Variants in CNTLN observed in about 807,000 individuals in gnomAD.
CNTLN encodes the protein centlein, also known as centlein, centrosomal protein.
CNTLN carries 212 observed loss-of-function variants against 180.0 expected under a neutral mutation model. The ratio of observed to expected loss-of-function variants is 1.18; its 90% CI spans 1.05 to 1.32. CNTLN has a LOEUF of 1.32. Among genes scored for constraint, CNTLN ranks in the 40% most tolerant of loss-of-function variants. The probability of loss-of-function intolerance (pLI) is 0.00; values close to 1 mark genes in which losing one functional copy is unlikely to be tolerated. For missense variants in CNTLN, 2,095 were observed against 1,610.9 expected, an observed-to-expected ratio of 1.30 and a Z score of -5.14; for synonymous variants, 722 against 563.1, an observed-to-expected ratio of 1.28 and a Z score of -3.99.
intron 2 of CNTLN, among the ~76,000 whole-genome samples, chr9:17,187,455 G>A (rs760130435): frequency 6.6e-6 from 1 of 151,912 alleles, no homozygotes; most frequent in Non-Finnish European, 1.5e-5. Flanking sequence ...TAGTAATGGG[G>A]TCATTATAGA....
At chr9:17,160,305 C>T (rs971670161) in intron 2 of CNTLN, among the ~76,000 whole-genome samples, 5 of 152,062 alleles carry the variant, frequency 3.3e-5, no homozygotes, top group East Asian at 3.9e-4. Flanking sequence ...TATCCATTGT[C>T]GTGCCATGTC....
chr9:17,296,639 T>C (rs1817959902), intron 6 of CNTLN, among the ~76,000 whole-genome samples: 1 of 152,190 alleles, frequency 6.6e-6, no homozygotes, highest in African/African-American at 2.4e-5. Context: ...GTAATCATCA[T>C]GCATGATTAC....
intron 14 of CNTLN, among the ~76,000 whole-genome samples, chr9:17,388,593 C>T (rs1825864952): frequency 6.6e-6 from 1 of 151,844 alleles, no homozygotes; most frequent in South Asian, 2.1e-4. Flanking sequence ...GCTGTACTTC[C>T]ACAAATATAG....
Position 17,135,278 on chromosome 9 carries a change from G to C in CNTLN, c.213G>C (p.Gly71=), listed in dbSNP as rs200731719. The change falls in exon 1 of 26, where the codon GGG becomes GGC. Residue 71 remains glycine, a synonymous_variant. Transcript: ENST00000380647. Reference sequence around the variant, plus strand: ...CAGGGGGCCGGCGAGGGCCTGGGGGGGCAGCTCCGGCTCATGCTCCCCTCC... The same window carrying C: ...CAGGGGGCCGGCGAGGGCCTGGGGGCGCAGCTCCGGCTCATGCTCCCCTCC... ...EGSGGRRGPG[G]AAPAHAPLLS... 46 of 1,600,938 alleles carry C rather than the reference G, an allele frequency of 2.9e-5. No homozygotes were observed. Among genetic ancestry groups the C allele is most frequent in the Middle Eastern group, 3.3e-4 (2 of 6,056 alleles).
intron 2 of CNTLN, among the ~76,000 whole-genome samples, chr9:17,213,907 G>A (rs1295997612): frequency 6.6e-6 from 1 of 151,910 alleles, no homozygotes; most frequent in East Asian, 1.9e-4. Context: ...CATTTTCTTG[G>A]TAGATCTTCC....
chr9:17,319,381 C>G (rs1284358111), intron 8 of CNTLN, among the ~76,000 whole-genome samples: 2 of 152,200 alleles, frequency 1.3e-5, no homozygotes, highest in Non-Finnish European at 2.9e-5. Flanking sequence ...AGCGATCATA[C>G]TTTAATGATT....
intron 8 of CNTLN, among the ~76,000 whole-genome samples, chr9:17,323,565 C>T (rs552141848): frequency 5.3e-5 from 8 of 152,278 alleles, no homozygotes; most frequent in African/African-American, 1.9e-4. Context: ...AATTACAGCG[C>T]GGCTTTCTGC....
intron 2 of CNTLN, among the ~76,000 whole-genome samples, chr9:17,206,516 C>T (rs1822934239): frequency 6.6e-6 from 1 of 152,144 alleles, no homozygotes; most frequent in Admixed American, 6.5e-5. Context: ...CCTTGCAAAG[C>T]CATGGTGGGT....
intron 2 of CNTLN, among the ~76,000 whole-genome samples, chr9:17,187,226 A>G (rs929642172): frequency 4.6e-5 from 7 of 152,136 alleles, no homozygotes; most frequent in Non-Finnish European, 8.8e-5. Context: ...GCAAAGACAA[A>G]TATCTGCTTT....
At chr9:17,335,745 C>T (rs1469304402) in intron 10 of CNTLN, among the ~76,000 whole-genome samples, 2 of 151,790 alleles carry the variant, frequency 1.3e-5, no homozygotes, top group African/African-American at 4.8e-5. Context: ...CAAGACCAGC[C>T]TGGACAACAT....
At chr9:17,451,931 AG>A (rs1830802797) in intron 18 of CNTLN, among the ~76,000 whole-genome samples, 1 of 152,206 alleles carries the variant, frequency 6.6e-6, no homozygotes, top group Non-Finnish European at 1.5e-5. Flanking sequence ...AAAAAGCTGT[AG>A]GTCAGAATCA....
intron 5 of CNTLN, among the ~76,000 whole-genome samples, chr9:17,241,645 A>C (rs568070273): frequency 6.6e-6 from 1 of 152,216 alleles, no homozygotes; most frequent in Admixed American, 6.5e-5. Context: ...TTTGGGCAGT[A>C]TGGACATCTT....
intron 10 of CNTLN, among the ~76,000 whole-genome samples, chr9:17,334,939 A>C (rs1020735534): frequency 2.6e-5 from 4 of 150,982 alleles, no homozygotes; most frequent in Non-Finnish European, 4.4e-5. Context: ...AAAGATTTTC[A>C]ATTGGCAAGC....
At chr9:17,203,866 T>G (rs1254587867) in intron 2 of CNTLN, among the ~76,000 whole-genome samples, 1 of 152,180 alleles carries the variant, frequency 6.6e-6, no homozygotes, top group Non-Finnish European at 1.5e-5. Context: ...CAAGATTAAT[T>G]CTTTTTTCTC....
At chr9:17,297,601 C>T (rs184989193) in intron 6 of CNTLN, among the ~76,000 whole-genome samples, 4 of 152,222 alleles carry the variant, frequency 2.6e-5, no homozygotes, top group South Asian at 2.1e-4. Context: ...TGGGTAGGTT[C>T]GAAGGACTGG....
At chr9:17,328,051 C>G (rs141140705) in intron 8 of CNTLN, among the ~76,000 whole-genome samples, 1 of 152,230 alleles carries the variant, frequency 6.6e-6, no homozygotes, top group East Asian at 1.9e-4. Context: ...TACAGTCCCT[C>G]TACTTAGAAA....
At chr9:17,180,561 A>T (rs1364978103) in intron 2 of CNTLN, among the ~76,000 whole-genome samples, 2 of 151,914 alleles carry the variant, frequency 1.3e-5, no homozygotes, top group East Asian at 3.9e-4. Flanking sequence ...TCAGCCATCA[A>T]ACCTAATTTA....
intron 6 of CNTLN, among the ~76,000 whole-genome samples, chr9:17,287,022 G>GT (rs1829027245): frequency 1.1e-5 from 1 of 91,964 alleles, no homozygotes. Context: ...TAATTGCCCT[G>GT]GCCAGAACTT....
chr9:17,263,984 T>G (rs1275310545), intron 5 of CNTLN, among the ~76,000 whole-genome samples: 3 of 145,358 alleles, frequency 2.1e-5, no homozygotes, highest in African/African-American at 2.6e-5. Context: ...TTTCTCCCAT[T>G]TTGTAGGTTG....
Sources: allele counts gnomAD v4.1 joint callset (sites outside exome capture counted in the v4.1 genomes callset), GRCh38; gene constraint gnomAD v4.1.1; transcripts MANE v1.5; gene names NCBI Gene and HGNC (gene_info 2026-07-23, HGNC 2026-07-21).